Variants in NRG1 observed in about 807,000 individuals in gnomAD.
The protein encoded by NRG1 is neuregulin 1, also known as pro-neuregulin-1, membrane-bound isoform.
NRG1 carries 18 observed loss-of-function variants against 63.8 expected under a neutral mutation model. That is an observed-to-expected ratio of 0.28 (90% CI 0.19 to 0.42). NRG1 has a LOEUF of 0.42. Ranked by LOEUF, NRG1 falls within the 10% of genes least tolerant of loss-of-function variation. The pLI is 1.00. For missense variants in NRG1, 762 were observed against 814.7 expected (o/e 0.94, Z 0.79); for synonymous variants, 302 against 301.3 (o/e 1.00, Z -0.02).
At chr8:32,737,754 A>G (rs186810427) in intron 6 of NRG1, among the ~76,000 whole-genome samples, 1 of 140,928 alleles carries the variant, frequency 7.1e-6, no homozygotes, top group East Asian at 2.1e-4. Flanking sequence ...TCTGCTCACT[A>G]CAACCTCCGC....
intron 7 of NRG1, chr8:32,743,036 A>G: frequency 8.6e-7 from 1 of 1,162,720 alleles, no homozygotes; most frequent in South Asian, 2.9e-5. Context: ...ATATGATAAT[A>G]AAGGCATTTC....
intron 7 of NRG1, among the ~76,000 whole-genome samples, chr8:32,753,581 A>G (rs1829124354): frequency 6.6e-6 from 1 of 152,204 alleles, no homozygotes; most frequent in African/African-American, 2.4e-5. Context: ...GTTCCTAAGT[A>G]CAATTGGTGG....
At chr8:32,263,177 A>T (rs1441371609) in intron 1 of NRG1, among the ~76,000 whole-genome samples, 1 of 152,210 alleles carries the variant, frequency 6.6e-6, no homozygotes, top group Non-Finnish European at 1.5e-5. Context: ...CATTGTAAAC[A>T]CATCATATCA....
intron 1 of NRG1, among the ~76,000 whole-genome samples, chr8:32,496,141 C>T (rs551102657): frequency 2.4e-3 from 362 of 152,258 alleles, no homozygotes; most frequent in African/African-American, 8.2e-3. Context: ...TAGCAAAACC[C>T]CCCAGACACA....
intron 1 of NRG1, among the ~76,000 whole-genome samples, chr8:31,914,615 C>T (rs1352322299): frequency 6.6e-6 from 1 of 152,040 alleles, no homozygotes; most frequent in Non-Finnish European, 1.5e-5. Flanking sequence ...GTGTTTGAGA[C>T]AAACATTTTA....
chr8:32,127,811 A>T (rs1166286968), intron 1 of NRG1, among the ~76,000 whole-genome samples: 1 of 151,786 alleles, frequency 6.6e-6, no homozygotes, highest in Non-Finnish European at 1.5e-5. Flanking sequence ...TCGCCATTCC[A>T]GCTACTCGGG....
At chr8:32,069,085 A>G (rs1825345615) in intron 1 of NRG1, among the ~76,000 whole-genome samples, 1 of 152,202 alleles carries the variant, frequency 6.6e-6, no homozygotes, top group Non-Finnish European at 1.5e-5. Flanking sequence ...GAAGGGGGCC[A>G]GGTGCTATCT....
At chr8:32,065,599 G>C (rs1288490754) in intron 1 of NRG1, among the ~76,000 whole-genome samples, 1 of 152,280 alleles carries the variant, frequency 6.6e-6, no homozygotes, top group African/African-American at 2.4e-5. Context: ...TGGACATTTG[G>C]CTTGGTTCCA....
At chr8:31,659,053 C>G (rs1218567383) in intron 1 of NRG1, among the ~76,000 whole-genome samples, 2 of 152,274 alleles carry the variant, frequency 1.3e-5, no homozygotes, top group East Asian at 3.9e-4. Flanking sequence ...TTCAGATGTA[C>G]CACTCTCCAG....
At chr8:31,974,891 G>T (rs938219751) in intron 1 of NRG1, among the ~76,000 whole-genome samples, 21 of 152,152 alleles carry the variant, frequency 1.4e-4, no homozygotes, top group Admixed American at 1.4e-3. Context: ...CAAACCCCCT[G>T]AGACATCCAA....
At chr8:31,812,957 G>A (rs770238050) in intron 1 of NRG1, among the ~76,000 whole-genome samples, 1 of 152,130 alleles carries the variant, frequency 6.6e-6, no homozygotes, top group Non-Finnish European at 1.5e-5. Context: ...AAGCTACCTG[G>A]TGGAAACACA....
intron 1 of NRG1, among the ~76,000 whole-genome samples, chr8:31,691,390 G>T (rs1017454827): frequency 6.6e-6 from 1 of 151,542 alleles, no homozygotes; most frequent in Non-Finnish European, 1.5e-5. Flanking sequence ...GGCGGATCTC[G>T]AGGTCAGGAG....
intron 1 of NRG1, among the ~76,000 whole-genome samples, chr8:32,538,359 T>G (rs1226920227): frequency 6.6e-6 from 1 of 152,208 alleles, no homozygotes; most frequent in African/African-American, 2.4e-5. Context: ...GATAAAAATT[T>G]TATTCCTAAA....
intron 1 of NRG1, among the ~76,000 whole-genome samples, chr8:32,042,252 T>G (rs1820176388): frequency 6.6e-6 from 1 of 151,806 alleles, no homozygotes; most frequent in Admixed American, 6.6e-5. Context: ...TGAGACCAGC[T>G]TGGCCAACAG....
At chr8:32,193,934 C>A (rs1020863819) in intron 1 of NRG1, among the ~76,000 whole-genome samples, 1 of 152,250 alleles carries the variant, frequency 6.6e-6, no homozygotes, top group African/African-American at 2.4e-5. Flanking sequence ...CCTTCTCTAG[C>A]ACCTGCAGAG....
chr8:31,671,623 G>T (rs762962901), intron 1 of NRG1, among the ~76,000 whole-genome samples: 1 of 152,146 alleles, frequency 6.6e-6, no homozygotes, highest in Non-Finnish European at 1.5e-5. Flanking sequence ...TTTTGTTTTA[G>T]CCAGTAGATT....
In NRG1 at chr8:32,459,996, C is replaced by G. The variant is rs73577969; in HGVS notation, c.38-135832C>G. Among the ~76,000 whole-genome samples, 37 of 152,284 alleles carry G rather than the reference C, an allele frequency of 2.4e-4. No individual in the cohort carries two copies. The East Asian group carries it at 6.0e-3, about 25-fold the overall frequency. ...CACAACACCTTATGTTAATGTTGTG[C>G]AGAACACTTACCACTGCCTGATATT... On this transcript the variant is annotated intron_variant, in intron 1 of 10. Transcript: ENST00000519301.
At chr8:32,449,158 A>G (rs6992352) in intron 1 of NRG1, among the ~76,000 whole-genome samples, 47,141 of 151,786 alleles carry the variant, frequency 0.31, 7,587 homozygotes, top group South Asian at 0.35. Context: ...TTAGCTGGGC[A>G]TGGTGGTGCA....
chr8:31,995,811 G>C (rs1331853218), intron 1 of NRG1, among the ~76,000 whole-genome samples: 2 of 151,934 alleles, frequency 1.3e-5, no homozygotes, highest in African/African-American at 4.8e-5. Flanking sequence ...CAATTGCGTA[G>C]TAGTACATGC....
Sources: allele counts gnomAD v4.1 joint callset (sites outside exome capture counted in the v4.1 genomes callset), GRCh38; gene constraint gnomAD v4.1.1; transcripts MANE v1.5; gene names NCBI Gene and HGNC (gene_info 2026-07-23, HGNC 2026-07-21).